Variants in SLC39A10 observed in about 807,000 individuals in gnomAD.
The protein encoded by SLC39A10 is solute carrier family 39 member 10.
Under a neutral mutation model 65.1 loss-of-function variants are expected in SLC39A10, and 13 were observed. The observed-to-expected ratio is 0.20, with a 90% CI of 0.13 to 0.32. SLC39A10 has a LOEUF of 0.32. Among genes scored for constraint, SLC39A10 ranks in the 10% least tolerant of loss-of-function variants. The pLI is 1.00. For synonymous variants in SLC39A10, 321 were observed against 342.2 expected (o/e 0.94, Z 0.68); for missense variants, 831 against 1,018.4 (o/e 0.82, Z 2.50).
chr2:195,737,139 C>T lies in SLC39A10; in HGVS notation c.*2098C>T, dbSNP rs1410185549. ...TCTTTCTTTATTTGCTAGATTCTTA[C>T]AAATCTTTTAAGAGGGCTGTAACAG... On this transcript the variant is annotated 3_prime_UTR_variant, in exon 10 of 10. Transcript: ENST00000359634. 6.6e-6 allele frequency: 1 copy of T among 152,546 alleles called. No individual in the cohort carries two copies. Among genetic ancestry groups the T allele is most frequent in the African/African-American group, 2.4e-5 (1 of 41,418 alleles). 9.4% of individuals were successfully genotyped at this position (152,546 alleles called of 1,614,324 possible).
chr2:195,677,928 T>C (rs1438505178), intron 1 of SLC39A10, among the ~76,000 whole-genome samples: 1 of 152,132 alleles, frequency 6.6e-6, no homozygotes, highest in East Asian at 1.9e-4. Flanking sequence ...TTTTGTACTT[T>C]TAGTAAAAAT....
chr2:195,663,383 G>A (rs1689482486), intron 1 of SLC39A10, among the ~76,000 whole-genome samples: 4 of 152,270 alleles, frequency 2.6e-5, no homozygotes, highest in South Asian at 2.1e-4. Context: ...TGTTATAGAG[G>A]AACATAGCTT....
At chr2:195,697,629 G>A (rs1691016514) in intron 3 of SLC39A10, among the ~76,000 whole-genome samples, 1 of 151,988 alleles carries the variant, frequency 6.6e-6, no homozygotes, top group South Asian at 2.1e-4. Flanking sequence ...TCCCCTCATA[G>A]AGGGGACAGC....
At chr2:195,673,216 GC>G (rs1209451461) in intron 1 of SLC39A10, among the ~76,000 whole-genome samples, 2 of 151,956 alleles carry the variant, frequency 1.3e-5, no homozygotes, top group African/African-American at 4.8e-5. Flanking sequence ...GTCTCTTATT[GC>G]CCAGGCTGGA....
intron 2 of SLC39A10, among the ~76,000 whole-genome samples, chr2:195,635,493 A>G (rs1003911236): frequency 3.9e-5 from 6 of 152,234 alleles, no homozygotes; most frequent in African/African-American, 1.4e-4. Flanking sequence ...AAGCAGCAGT[A>G]GTGGATAGCA....
chr2:195,624,751 C>T (rs952402591), intron 2 of SLC39A10, among the ~76,000 whole-genome samples: 1 of 151,668 alleles, frequency 6.6e-6, no homozygotes, highest in Non-Finnish European at 1.5e-5. Flanking sequence ...CGATGGCGGG[C>T]GCCTGTAATC....
rs772778896 is a variant in SLC39A10, at chr2:195,680,893, A to C, written c.851A>C (p.Glu284Ala). Residue 284 changes from glutamate (E) to alanine (A), a missense_variant, in exon 2 of 10, where the codon GAA becomes GCA. This residue lies in a region of SLC39A10 where 446 missense variants were observed against 499.2 expected (regional missense o/e 0.89). Transcript: ENST00000359634. ...GGTCATTCTCATGTACATCTTCCAG[A>C]ACGTAATGGTCATGATCCTGGTCGT... ...NPGHSHVHLP[E>A]RNGHDPGRGH... 2 of 1,614,180 alleles carry C rather than the reference A, an allele frequency of 1.2e-6. No individual in the cohort carries two copies. Among genetic ancestry groups the C allele is most frequent in the Non-Finnish European group, 8.5e-7 (1 of 1,180,042 alleles).
intron 1 of SLC39A10, among the ~76,000 whole-genome samples, chr2:195,659,607 G>A (rs1689303626): frequency 6.6e-6 from 1 of 152,024 alleles, no homozygotes; most frequent in Non-Finnish European, 1.5e-5. Flanking sequence ...AAAAATTTAG[G>A]GCTTTGGAGT....
intron 5 of SLC39A10, 110 bp from the exon 6 acceptor site, chr2:195,713,323 T>C (rs1691663340): frequency 1.1e-6 from 1 of 871,062 alleles, no homozygotes; most frequent in East Asian, 3.3e-5. Context: ...ATAATTTATA[T>C]ATAAAGTTAA....
At chr2:195,717,038 T>C (rs778659504) in intron 7 of SLC39A10, 33 bp downstream of exon 7, 12 of 1,592,998 alleles carry the variant, frequency 7.5e-6, no homozygotes. Flanking sequence ...TCTATGCTAA[T>C]CTTATGGACT....
intron 2 of SLC39A10, among the ~76,000 whole-genome samples, chr2:195,646,086 C>T (rs535417417): frequency 3.9e-5 from 6 of 152,160 alleles, no homozygotes; most frequent in African/African-American, 9.6e-5. Flanking sequence ...GCTGGGACTA[C>T]AAGCGTGCAC....
intron 1 of SLC39A10, among the ~76,000 whole-genome samples, chr2:195,666,582 C>T (rs1689646517): frequency 6.6e-6 from 1 of 152,158 alleles, no homozygotes; most frequent in African/African-American, 2.4e-5. Context: ...CCTGAGCCTC[C>T]CAGGTAGCTG....
chr2:195,683,098 CGTT>C (rs1006470803), intron 2 of SLC39A10, among the ~76,000 whole-genome samples: 2 of 151,086 alleles, frequency 1.3e-5, no homozygotes, highest in African/African-American at 4.9e-5. Context: ...TTGTTTTCTG[CGTT>C]GTTTTGTTTT....
At chr2:195,683,155 CT>C (rs11386545) in intron 2 of SLC39A10, among the ~76,000 whole-genome samples, 288 of 148,200 alleles carry the variant, frequency 1.9e-3, no homozygotes, top group African/African-American at 6.3e-3. Context: ...TTTAAGCTTA[CT>C]TTTTTTTTTG....
intron 3 of SLC39A10, among the ~76,000 whole-genome samples, chr2:195,696,829 TTTA>T (rs1408666638): frequency 2.0e-5 from 3 of 152,112 alleles, no homozygotes; most frequent in Non-Finnish European, 4.4e-5. Context: ...TTATGTAGAA[TTTA>T]TTATTAATTG....
At chr2:195,642,274 G>A (rs13384875) in intron 2 of SLC39A10, among the ~76,000 whole-genome samples, 5,614 of 152,220 alleles carry the variant, frequency 0.037, 238 homozygotes, top group African/African-American at 0.097. Flanking sequence ...GTAGAATATG[G>A]ACACAAGGCA....
At position 195,713,445 on chromosome 2, in the gene SLC39A10, T is replaced by A; in HGVS notation, c.1588T>A (p.Trp530Arg). Residue 530 changes from tryptophan (W) to arginine (R), a missense_variant, in exon 6 of 10, where the codon TGG becomes AGG. By Grantham distance (101) the Trp-to-Arg change is moderately radical. Around this residue, in one of 4 missense-constraint regions of SLC39A10, gnomAD observed 230 missense variants for 242.9 expected, o/e 0.95. Coordinates refer to ENST00000359634, the MANE Select transcript of SLC39A10 (RefSeq NM_020342.3). ...HYKQQRGKQK[W>R]FMKQNTEEST... is the part of the protein sequence containing the mutation. ...TTTCTTTTTTTAGGGAAAACAGAAA[T>A]GGTTTATGAAACAGAACACAGAAGA... is the stretch of plus-strand genomic sequence containing the variant. The A allele has an allele frequency of 6.4e-7, 1 of 1,553,458 alleles. No homozygotes were observed. Among genetic ancestry groups the A allele is most frequent in the South Asian group, 1.2e-5 (1 of 80,746 alleles).
At chr2:195,685,230 C>A (rs1690480254) in intron 3 of SLC39A10, among the ~76,000 whole-genome samples, 1 of 152,092 alleles carries the variant, frequency 6.6e-6, no homozygotes, top group Non-Finnish European at 1.5e-5. Context: ...AGTATCTAAT[C>A]CCTATGACAT....
chr2:195,700,232 A>G (rs916812060), intron 3 of SLC39A10, among the ~76,000 whole-genome samples: 1 of 152,176 alleles, frequency 6.6e-6, no homozygotes, highest in Admixed American at 6.5e-5. Context: ...AATTACTGAT[A>G]AGGAAGGACT....
Sources: gnomAD v4.1 joint callset for allele counts (sites outside exome capture counted in the v4.1 genomes callset) on GRCh38, gnomAD v4.1.1 for gene constraint, gnomAD v4.1.1 regional missense constraint, MANE v1.5 for transcripts, NCBI Gene and HGNC (gene_info 2026-07-23, HGNC 2026-07-21) for gene names.